Variants in PTPDC1 observed in about 807,000 individuals in gnomAD.
PTPDC1 encodes protein tyrosine phosphatase domain-containing protein 1.
A neutral mutation model predicts 75.3 loss-of-function variants in PTPDC1; 53 were observed. The ratio of observed to expected loss-of-function variants is 0.70; its 90% CI spans 0.56 to 0.88. PTPDC1 has a LOEUF of 0.88. PTPDC1 is among the 40% of genes least tolerant of loss of function. PTPDC1 has a pLI of 0.00. For synonymous variants in PTPDC1, 349 were observed against 366.2 expected, an observed-to-expected ratio of 0.95 and a Z score of 0.54; for missense variants, 925 against 998.6, an observed-to-expected ratio of 0.93 and a Z score of 0.99.
At chr9:94,080,138 G>A (rs1057304820), upstream of PTPDC1, among the ~76,000 whole-genome samples, 1 of 152,198 alleles carries the variant, frequency 6.6e-6, no homozygotes, top group Non-Finnish European at 1.5e-5. Flanking sequence ...ACCCAGGTGG[G>A]TGGCAGCAGC....
intron 7 of PTPDC1, among the ~76,000 whole-genome samples, chr9:94,103,023 G>C (rs200245650): frequency 2.9e-5 from 2 of 69,400 alleles, no homozygotes; most frequent in East Asian, 4.7e-4. Context: ...CACACACACG[G>C]ACACATGGAC....
chr9:94,057,140 A>G (rs543572847), intron 1 of PTPDC1, among the ~76,000 whole-genome samples: 1 of 152,182 alleles, frequency 6.6e-6, no homozygotes, highest in East Asian at 1.9e-4. Context: ...TGACGCGATT[A>G]CAGCTCACCG....
chr9:94,106,421 T>C (rs1372192107), intron 8 of PTPDC1, among the ~76,000 whole-genome samples: 3 of 152,236 alleles, frequency 2.0e-5, no homozygotes, highest in Non-Finnish European at 4.4e-5. Context: ...TTGTGAAACA[T>C]TGGAGTTTCC....
At chr9:94,032,203 G>T (rs1234543203) in intron 1 of PTPDC1, among the ~76,000 whole-genome samples, 2 of 152,120 alleles carry the variant, frequency 1.3e-5, no homozygotes, top group East Asian at 1.9e-4. Flanking sequence ...GTTGTGTCCA[G>T]ACCTCTTAGT....
In PTPDC1 at chr9:94,098,268, G is replaced by A. The variant is rs773606055; in HGVS notation, c.1702G>A (p.Asp568Asn). The change falls in exon 6 of 9, where the codon GAT (aspartate) becomes AAT (asparagine). Residue 568 changes from aspartate (D) to asparagine (N), a missense_variant. Transcript: ENST00000620992. Reference protein sequence around the residue: ...VSPSFANVHKDPNPAHQQVSH... With the variant: ...VSPSFANVHKNPNPAHQQVSH... Reference sequence around the variant, plus strand: ...ACCCAGCTTTGCAAATGTCCATAAGGATCCAAACCCTGCTCACCAGCAAGT... The same window carrying A: ...ACCCAGCTTTGCAAATGTCCATAAGAATCCAAACCCTGCTCACCAGCAAGT... 4 of 1,614,074 alleles carry A rather than the reference G, an allele frequency of 2.5e-6. No homozygotes were observed. Among genetic ancestry groups the A allele is most frequent in the African/African-American group, 2.7e-5 (2 of 74,922 alleles).
rs1828100307 is a variant in PTPDC1, at chr9:94,108,503, A to G, written c.*559A>G. 2 of 152,638 alleles carry G rather than the reference A, an allele frequency of 1.3e-5. No individual in the cohort carries two copies. Among genetic ancestry groups the G allele is most frequent in the African/African-American group, 4.8e-5 (2 of 41,452 alleles). 9.5% of individuals were successfully genotyped at this position (152,638 alleles called of 1,614,324 possible). On this transcript the variant is annotated 3_prime_UTR_variant, in exon 9 of 9. Coordinates refer to ENST00000620992, the MANE Select transcript of PTPDC1 (RefSeq NM_001253829.2). ...TTTTGTTTTTCCTTTTCTTTTTATA[A>G]ATGTAACAGAGGGTTTCAAAGCATA... is the stretch of plus-strand genomic sequence containing the variant.
At chr9:94,085,806 T>C (rs1564026645) in intron 2 of PTPDC1, among the ~76,000 whole-genome samples, 1 of 152,232 alleles carries the variant, frequency 6.6e-6, no homozygotes, top group Non-Finnish European at 1.5e-5. Context: ...AGGTAAGCTT[T>C]AGCTTTTATG....
chr9:94,099,868 A>G (rs1458051333), intron 6 of PTPDC1, among the ~76,000 whole-genome samples: 2 of 152,248 alleles, frequency 1.3e-5, no homozygotes, highest in Non-Finnish European at 2.9e-5. Context: ...TGTAGTGTAT[A>G]TGAAAGCATT....
At chr9:94,070,449 A>G (rs1216232860) in intron 2 of PTPDC1, among the ~76,000 whole-genome samples, 1 of 152,184 alleles carries the variant, frequency 6.6e-6, no homozygotes, top group East Asian at 1.9e-4. Flanking sequence ...ATACATTTTT[A>G]ATTAAAATAT....
At chr9:94,030,820 G>A (rs917398725) in exon 1 of PTPDC1, 3 of 152,320 alleles carry the variant, frequency 2.0e-5, no homozygotes, top group African/African-American at 7.2e-5. Flanking sequence ...GGCAGCGCCG[G>A]GGACGCGGCC....
chr9:94,045,918 T>C (rs1825583871), intron 1 of PTPDC1, among the ~76,000 whole-genome samples: 1 of 152,178 alleles, frequency 6.6e-6, no homozygotes, highest in African/African-American at 2.4e-5. Context: ...AAGTCCTTGC[T>C]CATGCTTATG....
At chr9:94,104,171 G>C (rs1427094904) in intron 7 of PTPDC1, 104 bp from the exon 8 acceptor site, 1 of 617,086 alleles carries the variant, frequency 1.6e-6, no homozygotes, top group Non-Finnish European at 2.8e-6. Flanking sequence ...TTGACATTAT[G>C]AGTACTTGGT....
chr9:94,105,706 A>C lies in PTPDC1; in HGVS notation c.2310+1321A>C, dbSNP rs372781961. 7.5e-5 allele frequency among the ~76,000 whole-genome samples: 11 copies of C among 146,712 alleles called. No individual in the cohort carries two copies. In the East Asian group the frequency reaches 1.2e-3, roughly 17 times the overall value. The stretch of plus-strand genomic sequence containing the variant: ...AAAAGTGGCCAGGCATGGTGGCTCA[A>C]GCCTGTAATCCAAGCACTTTGGGAG... On this transcript the variant is annotated intron_variant, in intron 8 of 8. Coordinates refer to ENST00000620992, the MANE Select transcript of PTPDC1 (RefSeq NM_001253829.2).
intron 1 of PTPDC1, among the ~76,000 whole-genome samples, chr9:94,061,645 G>A (rs1361400883): frequency 1.3e-5 from 2 of 152,250 alleles, no homozygotes; most frequent in African/African-American, 4.8e-5. Context: ...CACCACATGG[G>A]AGACACCAAG....
At chr9:94,034,013 A>G (rs1174166317) in intron 1 of PTPDC1, among the ~76,000 whole-genome samples, 4 of 152,254 alleles carry the variant, frequency 2.6e-5, no homozygotes, top group African/African-American at 7.2e-5. Flanking sequence ...AAGACAGACA[A>G]GGTCCCTAAC....
chr9:94,045,458 C>T (rs930634449), intron 1 of PTPDC1, among the ~76,000 whole-genome samples: 25 of 152,288 alleles, frequency 1.6e-4, no homozygotes, highest in African/African-American at 5.3e-4. Flanking sequence ...ACAGTCCCAC[C>T]AACAGTGTAA....
At chr9:94,057,550 A>G (rs1027476457) in intron 1 of PTPDC1, among the ~76,000 whole-genome samples, 1 of 152,218 alleles carries the variant, frequency 6.6e-6, no homozygotes, top group Non-Finnish European at 1.5e-5. Flanking sequence ...TGAATACTTA[A>G]AAGCCAGGTG....
chr9:94,069,915 C>T (rs973960792), intron 2 of PTPDC1, among the ~76,000 whole-genome samples: 2 of 150,784 alleles, frequency 1.3e-5, no homozygotes, highest in African/African-American at 4.9e-5. Flanking sequence ...ACCTCCGCCT[C>T]CCGGGTTCAC....
chr9:94,084,203 C>T (rs1208051225), upstream of PTPDC1, among the ~76,000 whole-genome samples: 1 of 152,146 alleles, frequency 6.6e-6, no homozygotes, highest in Non-Finnish European at 1.5e-5. Context: ...AAATTCACTA[C>T]AGTATTTTGG....
Sources: gnomAD v4.1 joint callset for allele counts (sites outside exome capture counted in the v4.1 genomes callset) on GRCh38, gnomAD v4.1.1 for gene constraint, MANE v1.5 for transcripts, NCBI Gene and HGNC (gene_info 2026-07-23, HGNC 2026-07-21) for gene names.